Variants in FANCC observed in about 807,000 individuals in gnomAD.
FANCC encodes FA complementation group C.
Under a neutral mutation model 71.3 loss-of-function variants are expected in FANCC, and 55 were observed. The observed-to-expected ratio is 0.77, with a 90% CI of 0.62 to 0.97. The LOEUF (loss-of-function observed/expected upper bound fraction) is 0.97, where lower values mean the gene tolerates loss of function less well. Ranked by LOEUF, FANCC falls within the 50% of genes least tolerant of loss-of-function variation. The probability of loss-of-function intolerance (pLI) is 0.00; values close to 1 mark genes in which losing one functional copy is unlikely to be tolerated. For synonymous variants in FANCC, 275 were observed against 244.9 expected (o/e 1.12, Z -1.15); for missense variants, 678 against 670.9 (o/e 1.01, Z -0.12).
chr9:95,239,005 A>G (rs544556911), intron 4 of FANCC, among the ~76,000 whole-genome samples: 1 of 152,292 alleles, frequency 6.6e-6, no homozygotes, highest in South Asian at 2.1e-4. Flanking sequence ...TTCCAGGCAC[A>G]CTTAAGTACC....
intron 4 of FANCC, among the ~76,000 whole-genome samples, chr9:95,212,365 C>T (rs1222091859): frequency 6.6e-6 from 1 of 151,848 alleles, no homozygotes; most frequent in Non-Finnish European, 1.5e-5. Context: ...TAAAAGCAGC[C>T]TAAGTAGAAA....
chr9:95,132,418 C>T lies in FANCC; in HGVS notation c.843+2928G>A, dbSNP rs146092937. Among the ~76,000 whole-genome samples the T allele has an allele frequency of 1.0e-3, 158 of 152,326 alleles. 1 individual carries two copies. Among genetic ancestry groups the T allele is most frequent in the Admixed American group, 8.5e-4 (13 of 15,308 alleles). ...ATTAACAAGTGGCTTTCACTGCTGT[C>T]GGTGACATCGGTTTTTAAGGTCAGG... On this transcript the variant is annotated intron_variant, in intron 8 of 14. Transcript: ENST00000289081.
chr9:95,215,698 T>TAGGAAGCC (rs1828822316), intron 4 of FANCC, among the ~76,000 whole-genome samples: 1 of 152,158 alleles, frequency 6.6e-6, no homozygotes. Context: ...ATTATGCTGT[T>TAGGAAGCC]AGGAAGCCAA....
intron 4 of FANCC, among the ~76,000 whole-genome samples, chr9:95,228,657 G>A (rs1439544518): frequency 2.6e-5 from 4 of 152,200 alleles, no homozygotes; most frequent in African/African-American, 7.2e-5. Context: ...CACTAAGACC[G>A]CGTGCAAGCG....
At chr9:95,169,782 C>T (rs1588216334) in intron 6 of FANCC, among the ~76,000 whole-genome samples, 1 of 152,218 alleles carries the variant, frequency 6.6e-6, no homozygotes, top group African/African-American at 2.4e-5. Flanking sequence ...AATGTCTCTA[C>T]TGGAAAATAA....
chr9:95,281,046 G>A (rs2136265958), intron 1 of FANCC, among the ~76,000 whole-genome samples: 1 of 152,238 alleles, frequency 6.6e-6, no homozygotes, highest in South Asian at 2.1e-4. Flanking sequence ...CAGGATTTAT[G>A]AGTAACATCT....
At chr9:95,198,803 T>C (rs905759772) in intron 4 of FANCC, among the ~76,000 whole-genome samples, 9 of 152,142 alleles carry the variant, frequency 5.9e-5, no homozygotes, top group African/African-American at 2.2e-4. Flanking sequence ...AGTGGCGCCA[T>C]TACAGCTTAT....
intron 1 of FANCC, among the ~76,000 whole-genome samples, chr9:95,268,280 C>T (rs774255172): frequency 6.6e-6 from 1 of 152,232 alleles, no homozygotes; most frequent in Non-Finnish European, 1.5e-5. Flanking sequence ...TCCAGCATCA[C>T]CAAATGTGGA....
intron 3 of FANCC, among the ~76,000 whole-genome samples, chr9:95,242,503 A>C (rs543206004): frequency 6.6e-6 from 1 of 151,698 alleles, no homozygotes; most frequent in Admixed American, 6.6e-5. Context: ...AAAAAAAAGA[A>C]AGGAAATGTC....
At chr9:95,102,371 C>A (rs756643939) in intron 14 of FANCC, among the ~76,000 whole-genome samples, 2 of 152,170 alleles carry the variant, frequency 1.3e-5, no homozygotes, top group Non-Finnish European at 2.9e-5. Flanking sequence ...CTGATTCTTG[C>A]GGGAGAGCAG....
At chr9:95,225,208 C>T (rs772822444) in intron 4 of FANCC, among the ~76,000 whole-genome samples, 8 of 152,146 alleles carry the variant, frequency 5.3e-5, no homozygotes, top group Non-Finnish European at 8.8e-5. Flanking sequence ...CAGGCAGCCA[C>T]GTGTAGTGCA....
intron 4 of FANCC, among the ~76,000 whole-genome samples, chr9:95,208,076 C>G (rs796225392): frequency 1.7e-5 from 2 of 117,480 alleles, no homozygotes; most frequent in East Asian, 2.4e-4. Context: ...AATCCAGAAG[C>G]CTTTTTTTTT....
At chr9:95,151,437 C>T (rs1282541404) in intron 6 of FANCC, among the ~76,000 whole-genome samples, 1 of 152,078 alleles carries the variant, frequency 6.6e-6, no homozygotes, top group Non-Finnish European at 1.5e-5. Context: ...CAAATGAAAC[C>T]ACAGTATAGA....
intron 14 of FANCC, among the ~76,000 whole-genome samples, chr9:95,106,462 A>C (rs1337463863): frequency 1.3e-5 from 2 of 151,988 alleles, no homozygotes; most frequent in Non-Finnish European, 2.9e-5. Context: ...AAAGCTTTTA[A>C]TTTTCATAAA....
At chr9:95,200,373 T>C (rs1424874491) in intron 4 of FANCC, among the ~76,000 whole-genome samples, 9 of 152,186 alleles carry the variant, frequency 5.9e-5, no homozygotes, top group African/African-American at 2.2e-4. Context: ...GGGAATTAAT[T>C]GGGGTAAGTC....
intron 7 of FANCC, 25 bp downstream of exon 7, chr9:95,149,898 A>G: frequency 3.2e-6 from 5 of 1,578,562 alleles, no homozygotes; most frequent in Non-Finnish European, 4.3e-6. Flanking sequence ...ACGACGCAGG[A>G]TGACAGGAAA....
chr9:95,190,288 C>T (rs1827005192), intron 4 of FANCC, among the ~76,000 whole-genome samples: 1 of 152,142 alleles, frequency 6.6e-6, no homozygotes, highest in African/African-American at 2.4e-5. Context: ...GGACCCTCCG[C>T]AGCAGTGACC....
intron 1 of FANCC, among the ~76,000 whole-genome samples, chr9:95,276,963 T>C (rs2136243041): frequency 6.6e-6 from 1 of 152,328 alleles, no homozygotes; most frequent in South Asian, 2.1e-4. Flanking sequence ...ATCATTCTAT[T>C]TATAACATTC....
chr9:95,287,356 T>C (rs1379420418), intron 1 of FANCC, among the ~76,000 whole-genome samples: 1 of 152,342 alleles, frequency 6.6e-6, no homozygotes. Flanking sequence ...GGAGGAACTA[T>C]CATTTTTTCT....
Sources: gnomAD v4.1 joint callset for allele counts (sites outside exome capture counted in the v4.1 genomes callset) on GRCh38, gnomAD v4.1.1 for gene constraint, MANE v1.5 for transcripts, NCBI Gene and HGNC (gene_info 2026-07-23, HGNC 2026-07-21) for gene names.